SGIP1: variants seen among roughly 807,000 people sequenced by gnomAD.
SGIP1 encodes SH3GL interacting endocytic adaptor 1.
In SGIP1, 38 loss-of-function variants were observed where a neutral mutation model predicts 107.5. That is an observed-to-expected ratio of 0.35 (90% CI 0.27 to 0.46). SGIP1 has a LOEUF of 0.46. Ranked by LOEUF, SGIP1 falls within the 20% of genes least tolerant of loss-of-function variation. The pLI, the probability that SGIP1 is intolerant of heterozygous loss-of-function variation, is 1.00. For missense variants in SGIP1, 929 were observed against 1,019.5 expected, an observed-to-expected ratio of 0.91 and a Z score of 1.21; for synonymous variants, 365 against 366.1, an observed-to-expected ratio of 1.00 and a Z score of 0.03.
intron 17 of SGIP1, chr1:66,694,479 T>C: frequency 6.2e-7 from 1 of 1,607,254 alleles, no homozygotes. Flanking sequence ...TGCCCTCGTT[T>C]GAAAGGCGCT....
intron 1 of SGIP1, among the ~76,000 whole-genome samples, chr1:66,594,206 C>CTT (rs5774825): frequency 1.3e-5 from 2 of 151,854 alleles, no homozygotes; most frequent in South Asian, 4.2e-4. Context: ...AAAATATAAA[C>CTT]TTTTTTTCAT....
At chr1:66,733,655 T>G (rs2094115093) in intron 20 of SGIP1, 93 bp from the exon 21 acceptor site, 1 of 1,387,836 alleles carries the variant, frequency 7.2e-7, no homozygotes, top group African/African-American at 1.4e-5. Flanking sequence ...AAAATGGCTG[T>G]ACATATCAGA....
chr1:66,559,780 G>A (rs141347053), intron 1 of SGIP1, among the ~76,000 whole-genome samples: 1,567 of 152,128 alleles, frequency 0.01, 12 homozygotes, highest in Non-Finnish European at 0.016. Context: ...ACTTCATGTC[G>A]CTGGTCTGTT....
At chr1:66,616,609 T>G (rs1321715732) in intron 1 of SGIP1, among the ~76,000 whole-genome samples, 1 of 152,208 alleles carries the variant, frequency 6.6e-6, no homozygotes, top group Non-Finnish European at 1.5e-5. Context: ...ACTTTACAAC[T>G]GTGTCTGCTC....
rs191208509 is a variant in SGIP1, at chr1:66,749,802, A to G, written c.*6707A>G. Among the ~76,000 whole-genome samples the G allele has an allele frequency of 6.6e-6, 1 of 152,154 alleles. No homozygotes were observed. Among genetic ancestry groups the G allele is most frequent in the Admixed American group, 6.5e-5 (1 of 15,288 alleles). ...GATGTTATTCATTCACCATCACTCT[A>G]AGGTATTTTAAATCATACAACAAGT... On this transcript the variant is annotated 3_prime_UTR_variant, in exon 25 of 25. Transcript: ENST00000371037.
chr1:66,610,752 C>T (rs1297934974), intron 1 of SGIP1, among the ~76,000 whole-genome samples: 1 of 126,814 alleles, frequency 7.9e-6, no homozygotes, highest in Non-Finnish European at 1.6e-5. Flanking sequence ...TAAGGATTAT[C>T]CTGGGGTCAA....
chr1:66,705,752 A>G (rs569127591), intron 18 of SGIP1, among the ~76,000 whole-genome samples: 1 of 152,318 alleles, frequency 6.6e-6, no homozygotes, highest in African/African-American at 2.4e-5. Context: ...AAACACTTCA[A>G]GAAAAGAAAT....
At chr1:66,664,995 T>G (rs536885659) in intron 8 of SGIP1, among the ~76,000 whole-genome samples, 3 of 152,210 alleles carry the variant, frequency 2.0e-5, no homozygotes, top group Non-Finnish European at 4.4e-5. Context: ...TTATCATACT[T>G]TAAGTTCTGG....
intron 1 of SGIP1, among the ~76,000 whole-genome samples, chr1:66,577,543 G>A (rs1284780286): frequency 1.3e-5 from 2 of 152,066 alleles, no homozygotes; most frequent in African/African-American, 2.4e-5. Flanking sequence ...AGAGGAAAGA[G>A]GTTCATGGGA....
chr1:66,738,202 T>C (rs1198529157), intron 21 of SGIP1, among the ~76,000 whole-genome samples: 1 of 152,224 alleles, frequency 6.6e-6, no homozygotes, highest in Non-Finnish European at 1.5e-5. Flanking sequence ...ATATCTGTCA[T>C]TTTATAAAAG....
chr1:66,543,569 TG>T (rs2055542524), intron 1 of SGIP1, among the ~76,000 whole-genome samples: 1 of 152,220 alleles, frequency 6.6e-6, no homozygotes, highest in Non-Finnish European at 1.5e-5. Flanking sequence ...GTGCTGAGGC[TG>T]GCTGGGTGAC....
At chr1:66,619,398 C>T (rs1475784759) in intron 1 of SGIP1, among the ~76,000 whole-genome samples, 3 of 152,230 alleles carry the variant, frequency 2.0e-5, no homozygotes, top group East Asian at 1.9e-4. Context: ...AAAGACGGAA[C>T]GCCCTCTCCC....
chr1:66,627,716 A>T (rs1163255081), intron 2 of SGIP1, among the ~76,000 whole-genome samples: 2 of 151,960 alleles, frequency 1.3e-5, no homozygotes, highest in African/African-American at 4.8e-5. Context: ...TTTTCTGAGG[A>T]TTATATAATT....
At chr1:66,715,437 C>G (rs2093180716) in intron 18 of SGIP1, among the ~76,000 whole-genome samples, 1 of 149,886 alleles carries the variant, frequency 6.7e-6, no homozygotes, top group Non-Finnish European at 1.5e-5. Context: ...CTATAGTGCC[C>G]AGAAGTTAAC....
chr1:66,675,537 C>CTTTTTTTTTTTTTTTTTTTTTT lies in SGIP1; in HGVS notation c.647-1464_647-1463insTTTTTTTTTTTTTTTTTTTTTT, dbSNP rs141370211. Among the ~76,000 whole-genome samples the CTTTTTTTTTTTTTTTTTTTTTT allele has an allele frequency of 4.7e-4, 51 of 109,204 alleles. 8 individuals are homozygous for CTTTTTTTTTTTTTTTTTTTTTT. Among genetic ancestry groups the CTTTTTTTTTTTTTTTTTTTTTT allele is most frequent in the African/African-American group, 1.0e-3 (25 of 24,252 alleles). 71.6% of individuals were successfully genotyped at this position (109,204 alleles called of 152,430 possible). On this transcript the variant is annotated intron_variant, in intron 12 of 24. Coordinates refer to ENST00000371037, the MANE Select transcript of SGIP1 (RefSeq NM_032291.4). ...TTTCGTTGTTTTTCTTTTTCTTTTT[C>CTTTTTTTTTTTTTTTTTTTTTT]TTTCTTTTTTTTTTTTTTTTTTGAC...
intron 7 of SGIP1, among the ~76,000 whole-genome samples, chr1:66,654,544 GA>G (rs920760330): frequency 4.2e-4 from 62 of 148,750 alleles, no homozygotes; most frequent in Admixed American, 7.3e-4. Context: ...AACAGTATAA[GA>G]AAAAAAAAAT....
At chr1:66,625,468 C>G (rs1408481441) in intron 1 of SGIP1, among the ~76,000 whole-genome samples, 2 of 152,216 alleles carry the variant, frequency 1.3e-5, no homozygotes, top group Non-Finnish European at 2.9e-5. Flanking sequence ...TGGCATTATC[C>G]CAGTCTAAAG....
intron 5 of SGIP1, 21 bp from the exon 6 acceptor site, chr1:66,642,789 A>G (rs1432693782): frequency 3.1e-6 from 5 of 1,597,414 alleles, no homozygotes; most frequent in Non-Finnish European, 3.4e-6. Flanking sequence ...TAATTACTTC[A>G]TGTGCACTTG....
intron 7 of SGIP1, among the ~76,000 whole-genome samples, chr1:66,659,117 AT>A (rs956996709): frequency 6.6e-6 from 1 of 152,146 alleles, no homozygotes; most frequent in Non-Finnish European, 1.5e-5. Context: ...TTGGCATTCT[AT>A]TTTCCGGATA....
Sources: gnomAD v4.1 joint callset for allele counts (sites outside exome capture counted in the v4.1 genomes callset) on GRCh38, gnomAD v4.1.1 for gene constraint, MANE v1.5 for transcripts, NCBI Gene and HGNC (gene_info 2026-07-23, HGNC 2026-07-21) for gene names.